ATF2: variants seen among roughly 807,000 people sequenced by gnomAD.
ATF2 encodes activating transcription factor 2.
Under a neutral mutation model 60.6 loss-of-function variants are expected in ATF2, and 24 were observed. The ratio of observed to expected loss-of-function variants is 0.40; its 90% CI spans 0.29 to 0.56. The LOEUF is 0.56. Ranked by LOEUF, ATF2 falls within the 20% of genes least tolerant of loss-of-function variation. The pLI is 0.54. For missense variants in ATF2, 433 were observed against 607.7 expected (o/e 0.71, Z 3.02); for synonymous variants, 206 against 215.4 (o/e 0.96, Z 0.38).
At chr2:175,108,139 C>T (rs543608453) in intron 10 of ATF2, among the ~76,000 whole-genome samples, 15 of 152,028 alleles carry the variant, frequency 9.9e-5, no homozygotes, top group East Asian at 1.9e-4. Flanking sequence ...TCTGCCCAGC[C>T]GCCCATCGTC....
At chr2:175,130,054 A>G (rs1697620914) in intron 4 of ATF2, 84 bp downstream of exon 4, 8 of 1,072,354 alleles carry the variant, frequency 7.5e-6, no homozygotes, top group Middle Eastern at 6.2e-4. Context: ...CTGTAAGAAA[A>G]TACTTTTAGT....
intron 4 of ATF2, among the ~76,000 whole-genome samples, chr2:175,127,885 C>T (rs1697448151): frequency 6.6e-6 from 1 of 152,116 alleles, no homozygotes; most frequent in Non-Finnish European, 1.5e-5. Context: ...ATCAAAATTA[C>T]AATGAGATAC....
At chr2:175,114,974 GCTAAAAGCAAATTAATAT>G (rs1182774571) in intron 7 of ATF2, 106 bp from the exon 8 acceptor site, 71 of 1,024,092 alleles carry the variant, frequency 6.9e-5, no homozygotes, top group Non-Finnish European at 8.8e-5. Context: ...AATAATAACT[GCTAAAAGCAAATTAATAT>G]CTCAAATTAA....
chr2:175,154,707 T>C (rs1295046656), intron 1 of ATF2, among the ~76,000 whole-genome samples: 2 of 152,230 alleles, frequency 1.3e-5, no homozygotes, highest in Non-Finnish European at 2.9e-5. Flanking sequence ...TACTATATCA[T>C]GATGGCTACC....
intron 10 of ATF2, among the ~76,000 whole-genome samples, chr2:175,098,812 A>T (rs1695113625): frequency 6.6e-6 from 1 of 152,060 alleles, no homozygotes; most frequent in African/African-American, 2.4e-5. Flanking sequence ...ACTATTTCAA[A>T]ACTTGTAATT....
chr2:175,103,051 T>C (rs1183918068), intron 10 of ATF2, among the ~76,000 whole-genome samples: 1 of 152,222 alleles, frequency 6.6e-6, no homozygotes, highest in Admixed American at 6.5e-5. Flanking sequence ...TAAGAGGTGA[T>C]CTCCTAGAAA....
At chr2:175,148,419 G>A (rs1234757007) in intron 2 of ATF2, among the ~76,000 whole-genome samples, 6 of 84,804 alleles carry the variant, frequency 7.1e-5, no homozygotes, top group Non-Finnish European at 1.4e-4. Context: ...ACAGTCCACT[G>A]AGACTCTGAG....
chr2:175,165,543 A>C (rs189149923), intron 1 of ATF2, among the ~76,000 whole-genome samples: 79 of 152,356 alleles, frequency 5.2e-4, no homozygotes, highest in African/African-American at 1.8e-3. Context: ...TTGAAGAGTT[A>C]ATGCTACTTA....
rs1278087901 is a variant in ATF2 at position 175,073,517 on chromosome 2, A to T, written c.*1092T>A. On this transcript the variant is annotated 3_prime_UTR_variant, in exon 14 of 14. Transcript: ENST00000264110. ...CACACACTCTCTCTCATTCATGCAC[A>T]CTTCCCACATTATAATTACATTGTT... The T allele has an allele frequency of 6.6e-6, 1 of 152,002 alleles. No homozygotes were observed. The highest frequency in any genetic ancestry group is 1.5e-5 in the Non-Finnish European group (1 of 67,948). The allele number at this position is 152,002 out of a possible 1,614,324, so 9.4% of individuals were successfully genotyped here.
intron 11 of ATF2, among the ~76,000 whole-genome samples, chr2:175,094,493 ACAATC>A (rs930331942): frequency 2.0e-4 from 30 of 151,522 alleles, no homozygotes; most frequent in African/African-American, 7.3e-4. Flanking sequence ...CTACAGGCAC[ACAATC>A]CAAAGGAGAA....
At chr2:175,144,452 GAAT>G (rs1698810900) in intron 2 of ATF2, among the ~76,000 whole-genome samples, 1 of 152,074 alleles carries the variant, frequency 6.6e-6, no homozygotes, top group African/African-American at 2.4e-5. Flanking sequence ...TAAGAAAAGA[GAAT>G]AATAAAGAAA....
chr2:175,099,899 C>G (rs1295698545), intron 10 of ATF2, among the ~76,000 whole-genome samples: 4 of 152,214 alleles, frequency 2.6e-5, no homozygotes, highest in Non-Finnish European at 5.9e-5. Flanking sequence ...GACAGAGAGT[C>G]TGAAACTTTG....
intron 8 of ATF2, chr2:175,114,447 A>G: frequency 8.0e-7 from 1 of 1,251,724 alleles, no homozygotes; most frequent in Admixed American, 3.9e-5. Context: ...TGTGTGAAAT[A>G]GCATGAAAAT....
intron 1 of ATF2, chr2:175,167,510 G>A: frequency 2.4e-6 from 1 of 424,172 alleles, no homozygotes; most frequent in East Asian, 7.3e-5. Context: ...CAGGGACCCT[G>A]ATTCTATTTT....
intron 1 of ATF2, among the ~76,000 whole-genome samples, chr2:175,157,157 C>T (rs1234753129): frequency 6.6e-6 from 1 of 152,202 alleles, no homozygotes; most frequent in African/African-American, 2.4e-5. Flanking sequence ...TGCAATATTT[C>T]ATTGTCTTTG....
intron 13 of ATF2, among the ~76,000 whole-genome samples, chr2:175,079,843 C>A: frequency 6.6e-6 from 1 of 152,042 alleles, no homozygotes; most frequent in Non-Finnish European, 1.5e-5. Context: ...CCTGAAATAT[C>A]ACTAAATCAT....
intron 1 of ATF2, among the ~76,000 whole-genome samples, chr2:175,166,554 G>GA (rs531914528): frequency 0.022 from 3,396 of 151,098 alleles, 60 homozygotes; most frequent in Non-Finnish European, 0.034. Flanking sequence ...CTCAAGTAAG[G>GA]AAAAAAAAAT....
chr2:175,136,264 A>C, intron 3 of ATF2, 148 bp downstream of exon 3: 3 of 726,348 alleles, frequency 4.1e-6, no homozygotes. Flanking sequence ...ACAAAATAGG[A>C]GTATCAGCTA....
intron 2 of ATF2, among the ~76,000 whole-genome samples, chr2:175,147,218 G>A (rs1699021132): frequency 6.6e-6 from 1 of 152,106 alleles, no homozygotes; most frequent in African/African-American, 2.4e-5. Flanking sequence ...GATGCTTTAG[G>A]CTGTAGTATC....
Sources: allele counts gnomAD v4.1 joint callset (sites outside exome capture counted in the v4.1 genomes callset), GRCh38; gene constraint gnomAD v4.1.1; transcripts MANE v1.5; gene names NCBI Gene and HGNC (gene_info 2026-07-23, HGNC 2026-07-21).